RAD51B: variants seen among roughly 807,000 people sequenced by gnomAD.
RAD51B encodes the protein DNA repair protein RAD51 homolog 2.
In RAD51B, 38 loss-of-function variants were observed where a neutral mutation model predicts 42.2. The observed-to-expected ratio is 0.90, with a 90% CI of 0.70 to 1.18. RAD51B has a LOEUF of 1.18. Ranked by LOEUF, RAD51B falls within the 50% of genes most tolerant of loss-of-function variation. RAD51B has a pLI of 0.00. For synonymous variants in RAD51B, 154 were observed against 145.2 expected, an observed-to-expected ratio of 1.06 and a Z score of -0.43; for missense variants, 373 against 400.7, an observed-to-expected ratio of 0.93 and a Z score of 0.59.
At chr14:68,040,740 A>G (rs1158395769) in intron 7 of RAD51B, among the ~76,000 whole-genome samples, 1 of 152,216 alleles carries the variant, frequency 6.6e-6, no homozygotes, top group African/African-American at 2.4e-5. Context: ...TAAGGTCCAT[A>G]TGAGCCCTTG....
In RAD51B at chr14:68,155,987, G is replaced by T. The variant is rs139227609; in HGVS notation, c.757-135897G>T. 4.1e-3 allele frequency among the ~76,000 whole-genome samples: 622 copies of T among 152,304 alleles called. 1 individual carries two copies. Among genetic ancestry groups the T allele is most frequent in the Middle Eastern group, 0.017 (5 of 294 alleles). On this transcript the variant is annotated intron_variant, in intron 7 of 10. Coordinates refer to ENST00000471583, the MANE Select transcript of RAD51B (RefSeq NM_133510.4). ...TCTTCAATAGAAGCTAGTGAAGTAA[G>T]AACTAGATAATATCTTGGAAGATCT...
At chr14:68,598,455 G>T (rs1891090173), downstream of RAD51B, among the ~76,000 whole-genome samples, 1 of 151,916 alleles carries the variant, frequency 6.6e-6, no homozygotes. Flanking sequence ...AAATCGCAGA[G>T]TGTCTAATAC....
At chr14:68,354,596 T>C (rs2139885839) in intron 8 of RAD51B, among the ~76,000 whole-genome samples, 1 of 152,192 alleles carries the variant, frequency 6.6e-6, no homozygotes, top group East Asian at 1.9e-4. Flanking sequence ...TGGCCAGGTG[T>C]GGTGGCTCAC....
intron 7 of RAD51B, among the ~76,000 whole-genome samples, chr14:67,889,271 A>G (rs1454439094): frequency 6.6e-6 from 1 of 151,662 alleles, no homozygotes; most frequent in Non-Finnish European, 1.5e-5. Context: ...GAATTTTCCT[A>G]GCTAAATTGA....
At chr14:67,962,879 G>A (rs1312679413) in intron 7 of RAD51B, among the ~76,000 whole-genome samples, 1 of 152,152 alleles carries the variant, frequency 6.6e-6, no homozygotes, top group Non-Finnish European at 1.5e-5. Context: ...TGGAAGGTAG[G>A]TAGAAGGGAA....
At chr14:68,400,577 A>G (rs548744093) in intron 8 of RAD51B, among the ~76,000 whole-genome samples, 11 of 152,288 alleles carry the variant, frequency 7.2e-5, no homozygotes, top group African/African-American at 2.6e-4. Flanking sequence ...CTGACTCTAC[A>G]ATGGGAGCAG....
At chr14:68,134,483 A>G (rs1026543190) in intron 7 of RAD51B, among the ~76,000 whole-genome samples, 7 of 152,206 alleles carry the variant, frequency 4.6e-5, no homozygotes, top group South Asian at 4.1e-4. Flanking sequence ...CCTGGGTTGT[A>G]TAGTAAATCT....
At chr14:68,078,279 G>T (rs1467315049) in intron 7 of RAD51B, among the ~76,000 whole-genome samples, 1 of 152,168 alleles carries the variant, frequency 6.6e-6, no homozygotes, top group Admixed American at 6.5e-5. Flanking sequence ...CTCCCAAGTA[G>T]CTGGGACTAC....
Position 68,092,718 on chromosome 14 carries a change from C to T in RAD51B, c.757-199166C>T, listed in dbSNP as rs547623750. Among the ~76,000 whole-genome samples the T allele has an allele frequency of 3.9e-5, 6 of 152,176 alleles. No individual in the cohort carries two copies. In the South Asian group the frequency reaches 1.2e-3, roughly 32 times the overall value. On this transcript the variant is annotated intron_variant, in intron 7 of 10. Coordinates refer to ENST00000471583, the MANE Select transcript of RAD51B (RefSeq NM_133510.4). ...CCTTTTCCTGCCTGATTGCCCTGAC[C>T]AGAACTTCCAACACTATGTTGAATA...
intron 7 of RAD51B, among the ~76,000 whole-genome samples, chr14:68,011,243 TG>T (rs2075679472): frequency 6.6e-6 from 1 of 152,014 alleles, no homozygotes; most frequent in Non-Finnish European, 1.5e-5. Flanking sequence ...TAAAGAGGGG[TG>T]TATATGAACC....
chr14:68,306,549 A>C, intron 8 of RAD51B: 1 of 462,816 alleles, frequency 2.2e-6, no homozygotes, highest in Non-Finnish European at 4.3e-6. Context: ...GTCATCTGAA[A>C]TTGGTATGTG....
intron 10 of RAD51B, chr14:68,497,061 T>C: frequency 1.3e-5 from 17 of 1,304,248 alleles, no homozygotes; most frequent in Non-Finnish European, 1.7e-5. Context: ...CAGTAGGCTT[T>C]ATGCAAGCCT....
intron 10 of RAD51B, among the ~76,000 whole-genome samples, chr14:68,533,466 A>G (rs1887434140): frequency 6.6e-6 from 1 of 152,202 alleles, no homozygotes; most frequent in South Asian, 2.1e-4. Flanking sequence ...AGAGGATGGG[A>G]TGCAAAGCAC....
intron 7 of RAD51B, among the ~76,000 whole-genome samples, chr14:68,259,747 C>T (rs191953422): frequency 3.9e-5 from 6 of 152,190 alleles, no homozygotes; most frequent in Admixed American, 3.3e-4. Context: ...CTCCCTAGCC[C>T]CTTTTCTAGT....
rs747115016 is a variant in RAD51B, at chr14:68,468,287, T to G, written c.1036+37T>G. On this transcript the variant is annotated intron_variant, in intron 10 of 10. Coordinates refer to ENST00000471583, the MANE Select transcript of RAD51B (RefSeq NM_133510.4). ...GGATTAAGCCATTTCTTTAAGCTTA[T>G]GCTCAGTGCTGCCCATTGCTAGTGG... The G allele has an allele frequency of 2.6e-6, 4 of 1,552,752 alleles. No homozygotes were observed. The South Asian group carries it at 4.5e-5, about 17-fold the overall frequency.
intron 7 of RAD51B, among the ~76,000 whole-genome samples, chr14:68,088,553 A>G (rs945124880): frequency 6.6e-6 from 1 of 151,620 alleles, no homozygotes; most frequent in Non-Finnish European, 1.5e-5. Flanking sequence ...CAATTATGCC[A>G]GAAAAGCTTT....
chr14:68,567,767 G>C (rs1365068467), intron 10 of RAD51B, among the ~76,000 whole-genome samples: 1 of 152,186 alleles, frequency 6.6e-6, no homozygotes, highest in Non-Finnish European at 1.5e-5. Flanking sequence ...CAGGATCCTT[G>C]CTGTACCCAC....
At chr14:68,116,298 C>T (rs2077546557) in intron 7 of RAD51B, among the ~76,000 whole-genome samples, 2 of 145,316 alleles carry the variant, frequency 1.4e-5, no homozygotes, top group Middle Eastern at 7.0e-3. Flanking sequence ...TGCTGATATT[C>T]TGAATTTACC....
intron 11 of RAD51B, among the ~76,000 whole-genome samples, chr14:68,655,786 C>T (rs939160343): frequency 2.6e-5 from 4 of 152,216 alleles, no homozygotes; most frequent in Non-Finnish European, 4.4e-5. Context: ...AGAGGTGGGA[C>T]GTGAGGAACA....
Sources: gnomAD v4.1 joint callset for allele counts (sites outside exome capture counted in the v4.1 genomes callset) on GRCh38, gnomAD v4.1.1 for gene constraint, MANE v1.5 for transcripts, NCBI Gene and HGNC (gene_info 2026-07-23, HGNC 2026-07-21) for gene names.